Variants in POTEI observed in about 807,000 individuals in gnomAD.
POTEI encodes the protein POTE ankyrin domain family, member I.
POTEI carries 14 observed loss-of-function variants against 43.4 expected under a neutral mutation model. The ratio of observed to expected loss-of-function variants is 0.32; its 90% confidence interval spans 0.21 to 0.50. The LOEUF (loss-of-function observed/expected upper bound fraction) is 0.50. Among genes scored for constraint, POTEI ranks in the 20% least tolerant of loss-of-function variants. The pLI is 0.98. For missense variants in POTEI, 235 were observed against 795.4 expected (o/e 0.30, Z 8.47); for synonymous variants, 95 against 297.9 (o/e 0.32, Z 7.01).
At position 130,461,082 on chromosome 2, in the gene POTEI, G is replaced by A. The variant is rs1284994064; in HGVS notation, c.*1734C>T. On this transcript the variant is annotated 3_prime_UTR_variant, in exon 15 of 15. Transcript: ENST00000451531. ...TGGAAGCTCTGTACCACTGAGGTAC[G>A]AACCTGTTGCCAATCTGAACACACC... The A allele has an allele frequency of 1.6e-4, 24 of 151,412 alleles. No homozygotes were observed. Among genetic ancestry groups the A allele is most frequent in the African/African-American group, 4.9e-4 (20 of 40,836 alleles). 9.4% of individuals were successfully genotyped at this position (151,412 alleles called of 1,614,324 possible). A position where few individuals can be genotyped will look rare whatever the true frequency, so the allele number is the denominator to read the frequency against.
Position 130,509,088 on chromosome 2 carries a change from C to T in POTEI, c.148G>A (p.Asp50Asn), listed in dbSNP as rs1684266712. 1 of 1,479,546 alleles carries T rather than the reference C, an allele frequency of 6.8e-7. No homozygotes were observed. Among genetic ancestry groups the T allele is most frequent in the African/African-American group, 1.9e-5 (1 of 51,604 alleles). 91.7% of individuals were successfully genotyped at this position (1,479,546 alleles called of 1,614,324 possible). A position where few individuals can be genotyped will look rare whatever the true frequency, so the allele number is the denominator to read the frequency against. Residue 50 changes from aspartate (D) to asparagine (N), a missense_variant, in exon 1 of 15, where the codon GAC (aspartate) becomes AAC (asparagine). Transcript: ENST00000451531. ...CTGAGTGTCTTCATAGTGGAGTCGT[C>T]CTGGTCTCCAGAAGTGCCCACGTTG... ...KSNVGTSGDQ[D>N]DSTMKTLRSK...
chr2:130,461,220 T>C lies in POTEI; in HGVS notation c.*1596A>G, dbSNP rs1261603919. The C allele has an allele frequency of 6.6e-6, 1 of 151,438 alleles. No individual in the cohort carries two copies. Among genetic ancestry groups the C allele is most frequent in the African/African-American group, 2.5e-5 (1 of 40,754 alleles). The allele number at this position is 151,438 out of a possible 1,614,324, so 9.4% of individuals were successfully genotyped here. On this transcript the variant is annotated 3_prime_UTR_variant, in exon 15 of 15. Coordinates refer to ENST00000451531, the MANE Select transcript of POTEI (RefSeq NM_001277406.2). ...CCACGTTTTTATAGAGCAGCTGTGC[T>C]GTGCTGGGGGTTCACTTCAGCCCCT...
At chr2:130,467,561 G>A (rs1486753299) in intron 13 of POTEI, among the ~76,000 whole-genome samples, 52 of 143,272 alleles carry the variant, frequency 3.6e-4, no homozygotes, top group African/African-American at 1.3e-3. Flanking sequence ...ATTGGCCTAG[G>A]CAAAGGATTT....
chr2:130,497,616 T>C (rs1683946696), intron 5 of POTEI: 1 of 43,258 alleles, frequency 2.3e-5, no homozygotes, highest in African/African-American at 5.3e-5. Context: ...TCATAGACCA[T>C]CTTACATGAC....
chr2:130,483,632 T>C (rs1405300820), intron 9 of POTEI, among the ~76,000 whole-genome samples: 32 of 119,550 alleles, frequency 2.7e-4, no homozygotes, highest in Non-Finnish European at 5.2e-4. Flanking sequence ...TCTTGCTCTG[T>C]CACCCAGGCT....
At chr2:130,469,431 C>T (rs946752997) in intron 13 of POTEI, among the ~76,000 whole-genome samples, 1 of 146,258 alleles carries the variant, frequency 6.8e-6, no homozygotes, top group African/African-American at 2.7e-5. Flanking sequence ...TGAAAGACAG[C>T]CAAGCAGCAA....
chr2:130,460,226 A>C lies in POTEI; in HGVS notation c.*2590T>G, dbSNP rs1682581695. 1 of 151,514 alleles carries C rather than the reference A, an allele frequency of 6.6e-6. No individual in the cohort carries two copies. The highest frequency in any genetic ancestry group is 1.5e-5 in the Non-Finnish European group (1 of 67,992). 9.4% of individuals were successfully genotyped at this position (151,514 alleles called of 1,614,324 possible). On this transcript the variant is annotated 3_prime_UTR_variant, in exon 15 of 15. Transcript: ENST00000451531. The stretch of plus-strand genomic sequence containing the variant: ...GAGCAGACTAAGGAGTGCTGAGATC[A>C]GACCAGCCCCATCTCAAGTGCAAGA...
intron 8 of POTEI, among the ~76,000 whole-genome samples, chr2:130,488,594 A>T (rs1440767214): frequency 3.9e-5 from 5 of 128,026 alleles, no homozygotes; most frequent in South Asian, 3.0e-4. Context: ...TACCACCTAG[A>T]TTTTACATTA....
chr2:130,483,618 G>C (rs1423245875), intron 9 of POTEI, among the ~76,000 whole-genome samples: 1 of 67,716 alleles, frequency 1.5e-5, no homozygotes. Flanking sequence ...TTTTTGAGAC[G>C]GAGTCTTGCT....
Position 130,504,985 on chromosome 2 carries a change from T to A in POTEI, c.522-1091A>T, listed in dbSNP as rs7572234. ...TACATAGGTAAATGTGCACCAAGGG[T>A]GTTGGTTGTACAGATTATTTCATTA... On this transcript the variant is annotated intron_variant, in intron 1 of 14. Transcript: ENST00000451531. Among the ~76,000 whole-genome samples, 608 of 116,202 alleles carry A rather than the reference T, an allele frequency of 5.2e-3. 5 individuals are homozygous for A. The highest frequency in any genetic ancestry group is 0.018 in the African/African-American group (568 of 31,640). 76.2% of individuals were successfully genotyped at this position (116,202 alleles called of 152,430 possible).
chr2:130,477,395 T>A (rs1373709452), intron 10 of POTEI, among the ~76,000 whole-genome samples: 4 of 149,136 alleles, frequency 2.7e-5, no homozygotes, highest in Non-Finnish European at 5.9e-5. Context: ...CGTGATCCCC[T>A]CTGAAAGTGC....
chr2:130,483,539 C>T (rs1398829874), intron 9 of POTEI, among the ~76,000 whole-genome samples: 7 of 127,258 alleles, frequency 5.5e-5, no homozygotes, highest in East Asian at 2.3e-4. Context: ...AGAGCCAAAA[C>T]GATTTTAAAA....
chr2:130,462,376 TA>T lies in POTEI; in HGVS notation c.*439del. 1 of 174,116 alleles carries T rather than the reference TA, an allele frequency of 5.7e-6. No individual in the cohort carries two copies. Among genetic ancestry groups the T allele is most frequent in the South Asian group, 1.2e-4 (1 of 8,010 alleles). 10.8% of individuals were successfully genotyped at this position (174,116 alleles called of 1,614,324 possible). A position where few individuals can be genotyped will look rare whatever the true frequency, so the allele number is the denominator to read the frequency against. ...GGCCACGAAGGCTGATCATTCAAAA[TA>T]AAACAAAATTAAAAAGTATTAAGGC... On this transcript the variant is annotated 3_prime_UTR_variant, in exon 15 of 15. Transcript: ENST00000451531.
intron 9 of POTEI, among the ~76,000 whole-genome samples, chr2:130,486,982 G>C (rs1487635635): frequency 1.2e-5 from 1 of 81,286 alleles, no homozygotes; most frequent in Non-Finnish European, 2.7e-5. Flanking sequence ...TCAGCACTCA[G>C]GCACTGACAT....
chr2:130,493,033 G>A (rs57547537), intron 6 of POTEI, among the ~76,000 whole-genome samples: 2 of 132,472 alleles, frequency 1.5e-5, no homozygotes, highest in African/African-American at 5.6e-5. Context: ...TTGTTTAAAG[G>A]AAGAACACAA....
In POTEI at chr2:130,479,323, A is replaced by C. The variant is rs563047374; in HGVS notation, c.1481-2622T>G. 1.4e-3 allele frequency among the ~76,000 whole-genome samples: 208 copies of C among 149,578 alleles called. 4 individuals are homozygous for C. The highest frequency in any genetic ancestry group is 5.0e-3 in the African/African-American group (198 of 39,998). Reference sequence around the variant, plus strand: ...AAAAAGGCATAACGAAGGCCAACATAGTAAAATGAGTAACTGAGATTTCTA... The same window carrying C: ...AAAAAGGCATAACGAAGGCCAACATCGTAAAATGAGTAACTGAGATTTCTA... On this transcript the variant is annotated intron_variant, in intron 10 of 14. Coordinates refer to ENST00000451531, the MANE Select transcript of POTEI (RefSeq NM_001277406.2).
intron 1 of POTEI, among the ~76,000 whole-genome samples, chr2:130,507,401 T>C (rs1684216215): frequency 1.7e-4 from 1 of 6,012 alleles, no homozygotes; most frequent in Non-Finnish European, 3.6e-4. Context: ...TATATGTATA[T>C]ATGTGTATAT....
In POTEI at chr2:130,460,413, C is replaced by G. The variant is rs1177379501; in HGVS notation, c.*2403G>C. 2.6e-5 allele frequency: 4 copies of G among 152,010 alleles called. No individual in the cohort carries two copies. Among genetic ancestry groups the G allele is most frequent in the Admixed American group, 2.0e-4 (3 of 15,276 alleles). The allele number at this position is 152,010 out of a possible 1,614,324, so 9.4% of individuals were successfully genotyped here. ...TCGGACCTGATCTCTGCTGGGCAATCTTGCATATAAGATGTGGCTGGTATG... is the reference window on the plus strand; with the variant it reads ...TCGGACCTGATCTCTGCTGGGCAATGTTGCATATAAGATGTGGCTGGTATG... On this transcript the variant is annotated 3_prime_UTR_variant, in exon 15 of 15. Coordinates refer to ENST00000451531, the MANE Select transcript of POTEI (RefSeq NM_001277406.2).
intron 9 of POTEI, among the ~76,000 whole-genome samples, chr2:130,484,631 TCAGTGTGGCTGAAG>T: frequency 1.1e-5 from 1 of 91,942 alleles, no homozygotes; most frequent in Non-Finnish European, 3.0e-5. Flanking sequence ...TGGCAAGAAT[TCAGTGTGGCTGAAG>T]CAGAGCAAGG....
Sources: gnomAD v4.1 joint callset for allele counts (sites outside exome capture counted in the v4.1 genomes callset) on GRCh38, gnomAD v4.1.1 for gene constraint, MANE v1.5 for transcripts, NCBI Gene and HGNC (gene_info 2026-07-23, HGNC 2026-07-21) for gene names.